The following NSUN7 variants were observed in gnomAD, a reference collection of about 807,000 sequenced individuals.
NSUN7 encodes the protein NOP2/Sun RNA methyltransferase family member 7.
A neutral mutation model predicts 58.5 loss-of-function variants in NSUN7; 39 were observed. The ratio of observed to expected loss-of-function variants is 0.67; its 90% CI spans 0.52 to 0.87. The LOEUF (loss-of-function observed/expected upper bound fraction) is 0.87. NSUN7 is among the 40% of genes least tolerant of loss of function. The pLI is 0.00. For missense variants in NSUN7, 765 were observed against 844.1 expected, an observed-to-expected ratio of 0.91 and a Z score of 1.16; for synonymous variants, 278 against 303.7, an observed-to-expected ratio of 0.92 and a Z score of 0.88.
chr4:40,784,872 A>G (rs367568644), intron 7 of NSUN7, among the ~76,000 whole-genome samples: 2 of 152,208 alleles, frequency 1.3e-5, no homozygotes, highest in African/African-American at 4.8e-5. Context: ...TAAGATAAGT[A>G]AGGATATAGA....
At chr4:40,798,991 T>C in intron 10 of NSUN7, 87 bp downstream of exon 10, 1 of 567,934 alleles carries the variant, frequency 1.8e-6, no homozygotes, top group Admixed American at 3.8e-5. Context: ...ATAAAGACAT[T>C]CTACTTTTTA....
At chr4:40,779,189 A>G (rs1187285908) in intron 7 of NSUN7, among the ~76,000 whole-genome samples, 2 of 152,030 alleles carry the variant, frequency 1.3e-5, no homozygotes, top group Non-Finnish European at 2.9e-5. Flanking sequence ...GGATGTAGTG[A>G]TGTGCAGCTG....
intron 9 of NSUN7, among the ~76,000 whole-genome samples, 199 bp from the exon 10 acceptor site, chr4:40,798,588 G>C (rs1743421566): frequency 1.3e-5 from 2 of 152,184 alleles, no homozygotes; most frequent in African/African-American, 4.8e-5. Context: ...AATCCAGTTA[G>C]AGTGACTTTA....
At chr4:40,803,445 C>T (rs1413956551) in intron 10 of NSUN7, among the ~76,000 whole-genome samples, 1 of 152,116 alleles carries the variant, frequency 6.6e-6, no homozygotes, top group African/African-American at 2.4e-5. Context: ...CTCTCCAGCA[C>T]CTGTTGTTTC....
intron 7 of NSUN7, among the ~76,000 whole-genome samples, chr4:40,784,516 A>C (rs1032346339): frequency 1.3e-5 from 2 of 152,246 alleles, no homozygotes; most frequent in African/African-American, 4.8e-5. Flanking sequence ...AGCCAAACAA[A>C]AAAGTCCTCA....
chr4:40,807,205 T>TC (rs1159524844), intron 11 of NSUN7, 21 bp downstream of exon 11: 1 of 1,541,148 alleles, frequency 6.5e-7, no homozygotes, highest in African/African-American at 1.4e-5. Context: ...AAAATCCTAA[T>TC]CCATGTCATA....
chr4:40,775,960 A>G lies in NSUN7; in HGVS notation c.826-89A>G. 2.7e-6 allele frequency: 2 copies of G among 746,756 alleles called. No individual in the cohort carries two copies. The highest frequency in any genetic ancestry group is 4.4e-5 in the South Asian group (2 of 45,622). 46.3% of individuals were successfully genotyped at this position (746,756 alleles called of 1,614,324 possible). On this transcript the variant is annotated intron_variant, in intron 6 of 11. Coordinates refer to ENST00000381782, the MANE Select transcript of NSUN7 (RefSeq NM_024677.6). This position sits in a 1 kb window ranked among gnomAD's most constrained non-coding sequence, Gnocchi z 4.3. The stretch of plus-strand genomic sequence containing the variant: ...TGGTTAGGTCTCTAATATTACTATG[A>G]GGTACTTTCTTTTATGTAAAGCAAA...
At chr4:40,754,924 AG>A (rs1741064412) in intron 2 of NSUN7, among the ~76,000 whole-genome samples, 1 of 152,214 alleles carries the variant, frequency 6.6e-6, no homozygotes, top group African/African-American at 2.4e-5. Context: ...AACCTTTTAA[AG>A]ATTTAAAGCG....
At position 40,775,199 on chromosome 4, in the gene NSUN7, T is replaced by C. The variant is rs1344173735; in HGVS notation, c.825+249T>C. On this transcript the variant is annotated intron_variant, in intron 6 of 11. Coordinates refer to ENST00000381782, the MANE Select transcript of NSUN7 (RefSeq NM_024677.6). The surrounding 1 kb of genome is among the most constrained non-coding windows in gnomAD (Gnocchi z 4.3). ...GATTCCATGAATGGGAAGATTTGCATTGCTGGCAGCTGTAAGGTTCTACTT... is the reference window on the plus strand; with the variant it reads ...GATTCCATGAATGGGAAGATTTGCACTGCTGGCAGCTGTAAGGTTCTACTT... 4.7e-6 allele frequency: 1 copy of C among 211,234 alleles called. No homozygotes were observed. The highest frequency in any genetic ancestry group is 2.3e-5 in the African/African-American group (1 of 43,830). The allele number at this position is 211,234 out of a possible 1,614,324, so 13.1% of individuals were successfully genotyped here.
Position 40,790,835 on chromosome 4 carries a change from ATC to A in NSUN7, c.1180+92_1180+93del, listed in dbSNP as rs1165729694. The A allele has an allele frequency of 1.3e-4, 125 of 980,972 alleles. No homozygotes were observed. In the East Asian group the frequency reaches 2.7e-3, roughly 21 times the overall value. 60.8% of individuals were successfully genotyped at this position (980,972 alleles called of 1,614,324 possible). A position where few individuals can be genotyped will look rare whatever the true frequency, so the allele number is the denominator to read the frequency against. On this transcript the variant is annotated intron_variant, in intron 8 of 11. Transcript: ENST00000381782. ...ATCATTAAAATAGCATATCAAATAC[ATC>A]TGATTAATAAATAATAGCAACCACA...
At chr4:40,792,763 A>AAAAAAG (rs1553919419) in intron 8 of NSUN7, among the ~76,000 whole-genome samples, 3 of 150,710 alleles carry the variant, frequency 2.0e-5, no homozygotes, top group Non-Finnish European at 4.4e-5. Context: ...TAAAAAAAAA[A>AAAAAAG]AAGTTGTCGT....
rs372201171 is a variant in NSUN7, at chr4:40,753,818, T to C, written c.298+2827T>C. On this transcript the variant is annotated intron_variant, in intron 2 of 11. Coordinates refer to ENST00000381782, the MANE Select transcript of NSUN7 (RefSeq NM_024677.6). Reference sequence around the variant, plus strand: ...GTCTTTCTTGTACTTGTTCTCATGATAGTTAATAAGTGTCATGAGATCTGA... The same window carrying C: ...GTCTTTCTTGTACTTGTTCTCATGACAGTTAATAAGTGTCATGAGATCTGA... Among the ~76,000 whole-genome samples the C allele has an allele frequency of 7.2e-5, 11 of 152,272 alleles. No individual in the cohort carries two copies. The South Asian group carries it at 2.1e-3, about 29-fold the overall frequency.
chr4:40,786,643 G>A, intron 7 of NSUN7: 1 of 1,598,440 alleles, frequency 6.3e-7, no homozygotes, highest in Non-Finnish European at 8.5e-7. Flanking sequence ...CCTAAAGGAA[G>A]GACTTGAGAA....
intron 2 of NSUN7, among the ~76,000 whole-genome samples, chr4:40,755,924 A>G (rs150097985): frequency 2.6e-5 from 4 of 152,328 alleles, no homozygotes; most frequent in African/African-American, 7.2e-5. Context: ...TGAATGAAGC[A>G]TTGTCAACTA....
chr4:40,802,577 G>T (rs1276177905), intron 10 of NSUN7, among the ~76,000 whole-genome samples: 1 of 152,106 alleles, frequency 6.6e-6, no homozygotes, highest in Admixed American at 6.5e-5. Context: ...TATTTTTACT[G>T]CTGATACAGC....
chr4:40,751,149 G>A (rs1740812822), intron 2 of NSUN7, among the ~76,000 whole-genome samples, 158 bp downstream of exon 2: 2 of 152,312 alleles, frequency 1.3e-5, no homozygotes, highest in South Asian at 4.1e-4. Context: ...AGGAATTAGG[G>A]TTCCCATGAA....
At chr4:40,766,568 C>T (rs535804782) in intron 4 of NSUN7, among the ~76,000 whole-genome samples, 14 of 152,292 alleles carry the variant, frequency 9.2e-5, no homozygotes, top group African/African-American at 3.4e-4. Flanking sequence ...CTCTGCCTGG[C>T]TTTGGTATGA....
In NSUN7 at chr4:40,808,424, T is replaced by C. The variant is rs747201934; in HGVS notation, c.1642T>C (p.Ser548Pro). The part of the protein sequence containing the change: ...SSKREKKKKK[S>P]KTSLTKGATT... Reference sequence around the variant, plus strand: ...AAAACGGGAGAAGAAGAAGAAAAAATCAAAAACATCATTGACAAAAGGTGC... The same window carrying C: ...AAAACGGGAGAAGAAGAAGAAAAAACCAAAAACATCATTGACAAAAGGTGC... The change falls in exon 12 of 12, where the codon TCA becomes CCA. Residue 548 changes from serine to proline, a missense_variant. Coordinates refer to ENST00000381782, the MANE Select transcript of NSUN7 (RefSeq NM_024677.6). 4 of 1,612,562 alleles carry C rather than the reference T, an allele frequency of 2.5e-6. No homozygotes were observed. Among genetic ancestry groups the C allele is most frequent in the Admixed American group, 1.7e-5 (1 of 59,858 alleles).
intron 7 of NSUN7, among the ~76,000 whole-genome samples, chr4:40,781,220 A>T (rs1393843205): frequency 6.6e-6 from 1 of 151,578 alleles, no homozygotes; most frequent in Middle Eastern, 3.4e-3. Flanking sequence ...CACCCAGATA[A>T]TTTTTTTGTA....
Sources: gnomAD v4.1 joint callset for allele counts (sites outside exome capture counted in the v4.1 genomes callset) on GRCh38, gnomAD v4.1.1 for gene constraint, Gnocchi (gnomAD v3.1) non-coding constraint, MANE v1.5 for transcripts, NCBI Gene and HGNC (gene_info 2026-07-23, HGNC 2026-07-21) for gene names.